Variants in ACBD6 observed in about 807,000 individuals in gnomAD.
ACBD6 encodes acyl-CoA-binding domain-containing protein 6.
In ACBD6, 28 loss-of-function variants were observed where a neutral mutation model predicts 37.2. That is an observed-to-expected ratio of 0.75 (90% CI 0.56 to 1.03). The LOEUF is 1.03. ACBD6 is among the 50% of genes least tolerant of loss of function. The pLI is 0.00. For synonymous variants in ACBD6, 113 were observed against 126.8 expected, an observed-to-expected ratio of 0.89 and a Z score of 0.73; for missense variants, 340 against 337.4, an observed-to-expected ratio of 1.01 and a Z score of -0.06.
intron 6 of ACBD6, among the ~76,000 whole-genome samples, chr1:180,357,904 T>G (rs1558264944): frequency 6.6e-6 from 1 of 152,190 alleles, no homozygotes; most frequent in Non-Finnish European, 1.5e-5. Context: ...TCGTTCATAT[T>G]GTGTTAACTC....
At chr1:180,278,481 GCA>G (rs1023178463) in intron 9 of ACBD6, 3 of 152,078 alleles carry the variant, frequency 2.0e-5, no homozygotes, top group Non-Finnish European at 2.9e-5. Flanking sequence ...CACACTAAAA[GCA>G]CAGTTTCATG....
intron 3 of ACBD6, among the ~76,000 whole-genome samples, chr1:180,485,978 A>G (rs983926809): frequency 1.3e-5 from 2 of 152,112 alleles, no homozygotes; most frequent in Non-Finnish European, 2.9e-5. Flanking sequence ...GGATTTTTAT[A>G]TCCCACTGAA....
At chr1:180,422,298 C>T (rs1311140941) in intron 4 of ACBD6, among the ~76,000 whole-genome samples, 5 of 151,944 alleles carry the variant, frequency 3.3e-5, no homozygotes, top group East Asian at 1.9e-4. Context: ...CTCCACCTCC[C>T]GGGTTCAAGC....
intron 6 of ACBD6, among the ~76,000 whole-genome samples, chr1:180,356,131 C>A (rs954845660): frequency 1.3e-5 from 2 of 151,970 alleles, no homozygotes; most frequent in Non-Finnish European, 2.9e-5. Context: ...CCTCGGCCTC[C>A]CAAAGTGCTG....
chr1:180,337,276 C>T (rs540206585), intron 6 of ACBD6, among the ~76,000 whole-genome samples: 1 of 152,282 alleles, frequency 6.6e-6, no homozygotes, highest in Admixed American at 6.5e-5. Context: ...AAAACCGAAT[C>T]CAGCAGCACA....
intron 9 of ACBD6, chr1:180,277,301 T>C (rs780429242): frequency 1.3e-5 from 2 of 152,238 alleles, no homozygotes; most frequent in Non-Finnish European, 2.9e-5. Flanking sequence ...TAGCTTCTCT[T>C]AGAGGCACTC....
At chr1:180,287,392 A>G (rs1649537306), downstream of ACBD6, 1 of 146,946 alleles carries the variant, frequency 6.8e-6, no homozygotes, top group African/African-American at 2.5e-5. Context: ...CCTGGGTGAC[A>G]TAGCGAGACC....
At chr1:180,306,144 T>C (rs1650358326) in intron 7 of ACBD6, among the ~76,000 whole-genome samples, 1 of 151,186 alleles carries the variant, frequency 6.6e-6, no homozygotes. Flanking sequence ...ATATACCTAA[T>C]GTTAAATGAT....
At chr1:180,491,228 T>C (rs541918044) in intron 3 of ACBD6, among the ~76,000 whole-genome samples, 2 of 152,320 alleles carry the variant, frequency 1.3e-5, no homozygotes, top group East Asian at 3.9e-4. Flanking sequence ...AATTGTTTAA[T>C]TCATTAACTG....
chr1:180,285,385 G>T (rs1290771763), downstream of ACBD6, among the ~76,000 whole-genome samples: 4 of 152,078 alleles, frequency 2.6e-5, no homozygotes, highest in Non-Finnish European at 5.9e-5. Flanking sequence ...TCTCAGAACT[G>T]ATCAAATATA....
intron 6 of ACBD6, among the ~76,000 whole-genome samples, chr1:180,318,630 A>T (rs1650928897): frequency 6.6e-6 from 1 of 152,200 alleles, no homozygotes; most frequent in Admixed American, 6.5e-5. Context: ...TTGAAAACTT[A>T]AGAAGTGCAA....
chr1:180,498,576 A>AGGCAC (rs1359978754), intron 1 of ACBD6, among the ~76,000 whole-genome samples: 1 of 152,200 alleles, frequency 6.6e-6, no homozygotes, highest in African/African-American at 2.4e-5. Context: ...AGTAGTATTA[A>AGGCAC]GGCACGGTGG....
At chr1:180,391,125 A>G (rs765278592) in intron 6 of ACBD6, among the ~76,000 whole-genome samples, 24 of 152,188 alleles carry the variant, frequency 1.6e-4, no homozygotes, top group African/African-American at 1.4e-4. Context: ...CTGGATATCC[A>G]TATGTAAAAG....
At chr1:180,298,920 T>C (rs1650021158) in intron 7 of ACBD6, among the ~76,000 whole-genome samples, 3 of 152,350 alleles carry the variant, frequency 2.0e-5, no homozygotes, top group South Asian at 4.1e-4. Flanking sequence ...CTTATCCTGA[T>C]ATGAGGAGGC....
chr1:180,347,368 T>G (rs889594440), intron 6 of ACBD6, among the ~76,000 whole-genome samples: 7 of 149,686 alleles, frequency 4.7e-5, no homozygotes, highest in East Asian at 3.9e-4. Context: ...AAGTTTTTTT[T>G]TTTTTTTTTT....
intron 7 of ACBD6, among the ~76,000 whole-genome samples, chr1:180,299,727 C>G (rs1312140211): frequency 6.6e-6 from 1 of 151,938 alleles, no homozygotes; most frequent in Non-Finnish European, 1.5e-5. Flanking sequence ...CAAGGAAAAG[C>G]CTTGATTTCC....
intron 3 of ACBD6, among the ~76,000 whole-genome samples, chr1:180,463,243 T>C (rs939034763): frequency 1.3e-5 from 2 of 152,070 alleles, no homozygotes; most frequent in Non-Finnish European, 2.9e-5. Context: ...CTGAAGGATA[T>C]AGACATAAAA....
At chr1:180,419,864 C>A (rs1289799254) in intron 4 of ACBD6, among the ~76,000 whole-genome samples, 1 of 150,192 alleles carries the variant, frequency 6.7e-6, no homozygotes, top group Non-Finnish European at 1.5e-5. Context: ...GAAGAGGTGG[C>A]AGGTGAGGCA....
intron 4 of ACBD6, among the ~76,000 whole-genome samples, chr1:180,426,311 T>C (rs1033874621): frequency 6.6e-6 from 1 of 152,230 alleles, no homozygotes; most frequent in Non-Finnish European, 1.5e-5. Flanking sequence ...AATCTTCATT[T>C]ACTACATTTT....
Sources: allele counts gnomAD v4.1 joint callset (sites outside exome capture counted in the v4.1 genomes callset), GRCh38; gene constraint gnomAD v4.1.1; transcripts MANE v1.5; gene names NCBI Gene and HGNC (gene_info 2026-07-23, HGNC 2026-07-21).